ATXN2: variants seen among roughly 807,000 people sequenced by gnomAD.
ATXN2 encodes ataxin-2.
In ATXN2, 37 loss-of-function variants were observed where a neutral mutation model predicts 138.6. The observed-to-expected ratio is 0.27, with a 90% CI of 0.21 to 0.35. ATXN2 has a LOEUF of 0.35. Among genes scored for constraint, ATXN2 ranks in the 10% least tolerant of loss-of-function variants. The pLI is 1.00. For missense variants in ATXN2, 1,216 were observed against 1,480.3 expected, an observed-to-expected ratio of 0.82 and a Z score of 2.93; for synonymous variants, 549 against 543.7, an observed-to-expected ratio of 1.01 and a Z score of -0.13.
At chr12:111,524,905 C>A (rs747956002) in intron 6 of ATXN2, among the ~76,000 whole-genome samples, 3 of 152,158 alleles carry the variant, frequency 2.0e-5, no homozygotes, top group Non-Finnish European at 4.4e-5. Flanking sequence ...CCCATGGTTT[C>A]TAATTTTAAT....
intron 18 of ATXN2, among the ~76,000 whole-genome samples, chr12:111,476,740 A>G (rs1876841194): frequency 6.6e-6 from 1 of 152,152 alleles, no homozygotes; most frequent in South Asian, 2.1e-4. Context: ...GAAACTTAAG[A>G]CTTAAATAAA....
intron 14 of ATXN2, among the ~76,000 whole-genome samples, chr12:111,495,736 T>C (rs7314228): frequency 0.032 from 4,946 of 152,258 alleles, 289 homozygotes; most frequent in African/African-American, 0.11. Context: ...ATAGACCAAA[T>C]AGGCCCAATA....
chr12:111,589,764 A>C (rs969364453), intron 1 of ATXN2, among the ~76,000 whole-genome samples: 1 of 152,084 alleles, frequency 6.6e-6, no homozygotes, highest in South Asian at 2.1e-4. Flanking sequence ...AGAGTGAAAC[A>C]AAAATTTTGC....
At chr12:111,527,871 T>C (rs1410599711) in intron 5 of ATXN2, among the ~76,000 whole-genome samples, 1 of 152,240 alleles carries the variant, frequency 6.6e-6, no homozygotes, top group Non-Finnish European at 1.5e-5. Context: ...CTCTACATTA[T>C]CTTAAAGTTA....
At chr12:111,518,225 G>A (rs200629572) in intron 9 of ATXN2, 24 bp downstream of exon 9, 1 of 1,526,746 alleles carries the variant, frequency 6.5e-7, no homozygotes, top group Non-Finnish European at 8.9e-7. Context: ...CAATGATATT[G>A]ACAAGTCTGG....
intron 1 of ATXN2, among the ~76,000 whole-genome samples, chr12:111,570,459 A>G (rs1268348232): frequency 1.3e-5 from 2 of 152,144 alleles, no homozygotes; most frequent in East Asian, 3.8e-4. Flanking sequence ...AGCTCATTTC[A>G]TTTTCTAACT....
At chr12:111,530,845 G>A (rs1455878597) in intron 5 of ATXN2, among the ~76,000 whole-genome samples, 1 of 151,998 alleles carries the variant, frequency 6.6e-6, no homozygotes, top group African/African-American at 2.4e-5. Context: ...ATGTGTATAG[G>A]CGGGGTGCAG....
chr12:111,584,708 G>A (rs1345845076), intron 1 of ATXN2, among the ~76,000 whole-genome samples: 1 of 151,990 alleles, frequency 6.6e-6, no homozygotes, highest in African/African-American at 2.4e-5. Context: ...GTTCATGCCT[G>A]TATCCCCAGC....
intron 5 of ATXN2, 70 bp from the exon 6 acceptor site, chr12:111,525,386 C>G: frequency 7.3e-7 from 1 of 1,371,140 alleles, no homozygotes; most frequent in Non-Finnish European, 9.6e-7. Context: ...ACGTGAATTA[C>G]CAACAAAGAC....
chr12:111,543,128 A>G (rs2135773147), intron 5 of ATXN2, among the ~76,000 whole-genome samples: 1 of 152,278 alleles, frequency 6.6e-6, no homozygotes, highest in Non-Finnish European at 1.5e-5. Context: ...TACTGCCTCC[A>G]TACTGGCCTC....
In ATXN2 at chr12:111,516,115, A is replaced by G; in HGVS notation, c.1375+39T>C. The G allele has an allele frequency of 6.4e-7, 1 of 1,557,114 alleles. No homozygotes were observed. Among genetic ancestry groups the G allele is most frequent in the Non-Finnish European group, 8.7e-7 (1 of 1,144,010 alleles). On this transcript the variant is annotated intron_variant, in intron 10 of 24. Transcript: ENST00000673436. This position sits in a 1 kb window ranked among gnomAD's most constrained non-coding sequence, Gnocchi z 5.0. ...TTATAAACTCACATAGGAGTTAAAC[A>G]AAGACAAACAAAAACATGAACAAAT...
In ATXN2 at chr12:111,546,807, A is replaced by C. The variant is rs868530877; in HGVS notation, c.571+5473T>G. ...TTTAGCAAAATGAAGAGAACCTCAGATCTGTCTGCACTGGAATTCAAATAA... is the reference window on the plus strand; with the variant it reads ...TTTAGCAAAATGAAGAGAACCTCAGCTCTGTCTGCACTGGAATTCAAATAA... On this transcript the variant is annotated intron_variant, in intron 5 of 24. Coordinates refer to ENST00000673436, the MANE Select transcript of ATXN2 (RefSeq NM_001372574.1). Among the ~76,000 whole-genome samples the C allele has an allele frequency of 3.9e-5, 6 of 152,358 alleles. No individual in the cohort carries two copies. In the South Asian group the frequency reaches 8.3e-4, roughly 21 times the overall value.
chr12:111,598,987 C>T lies in ATXN2; in HGVS notation c.48G>A (p.Gln16=), dbSNP rs1180787672. ...QQQQQQQQQQ[Q]QQQQQQQQQQ... ...GCTGCTGCTGCTGCTGTTGCTGCTG[C>T]TGCTGCTGCTGCTGCTGCTGCTGCT... Residue 16 remains glutamine (Q), a synonymous_variant, in exon 1 of 25, where the codon CAG becomes CAA. Transcript: ENST00000673436. This position sits in a 1 kb window ranked among gnomAD's most constrained non-coding sequence, Gnocchi z 4.5. The T allele has an allele frequency of 1.3e-4, 192 of 1,465,058 alleles. No homozygotes were observed. Among genetic ancestry groups the T allele is most frequent in the Middle Eastern group, 4.6e-4 (2 of 4,378 alleles). 90.8% of individuals were successfully genotyped at this position (1,465,058 alleles called of 1,614,324 possible).
chr12:111,544,155 G>T (rs1299455745), intron 5 of ATXN2, among the ~76,000 whole-genome samples: 1 of 152,022 alleles, frequency 6.6e-6, no homozygotes, highest in Non-Finnish European at 1.5e-5. Flanking sequence ...TCTAGGGTGA[G>T]GGTATACAGT....
At chr12:111,507,065 C>A (rs1373484373) in intron 14 of ATXN2, among the ~76,000 whole-genome samples, 1 of 152,178 alleles carries the variant, frequency 6.6e-6, no homozygotes. Context: ...GCCGAGATTG[C>A]AGCCTCTGCC....
intron 1 of ATXN2, among the ~76,000 whole-genome samples, chr12:111,568,724 C>T (rs940957992): frequency 1.3e-5 from 2 of 152,112 alleles, no homozygotes; most frequent in African/African-American, 4.8e-5. Context: ...TATGTCTACC[C>T]GTTTTAATAC....
At chr12:111,591,951 A>G (rs1884685992) in intron 1 of ATXN2, among the ~76,000 whole-genome samples, 1 of 151,772 alleles carries the variant, frequency 6.6e-6, no homozygotes, top group African/African-American at 2.4e-5. Context: ...GTGGGGTAGC[A>G]GGCACCTGTA....
In ATXN2 at chr12:111,598,406, G is replaced by A. The variant is rs1027955170; in HGVS notation, c.251+378C>T. The A allele has an allele frequency of 1.0e-6, 1 of 985,564 alleles. No homozygotes were observed. The allele number at this position is 985,564 out of a possible 1,614,324, so 61.1% of individuals were successfully genotyped here. A position where few individuals can be genotyped will look rare whatever the true frequency, so the allele number is the denominator to read the frequency against. ...CAACGTTCACACCTAAACCGGGAGTGGAGGAGCTGCCCGAGCATCCCCACG... is the reference window on the plus strand; with the variant it reads ...CAACGTTCACACCTAAACCGGGAGTAGAGGAGCTGCCCGAGCATCCCCACG... On this transcript the variant is annotated intron_variant, in intron 1 of 24. Coordinates refer to ENST00000673436, the MANE Select transcript of ATXN2 (RefSeq NM_001372574.1). This position sits in a 1 kb window ranked among gnomAD's most constrained non-coding sequence, Gnocchi z 4.5.
chr12:111,479,120 A>C (rs1592812142), intron 18 of ATXN2: 1 of 393,648 alleles, frequency 2.5e-6, no homozygotes, highest in Non-Finnish European at 4.5e-6. Context: ...AAATAAAAAC[A>C]CAAACACTTG....
Sources: allele counts gnomAD v4.1 joint callset (sites outside exome capture counted in the v4.1 genomes callset), GRCh38; gene constraint gnomAD v4.1.1; non-coding constraint Gnocchi (gnomAD v3.1); transcripts MANE v1.5; gene names NCBI Gene and HGNC (gene_info 2026-07-23, HGNC 2026-07-21).